ATP8B4: variants seen among roughly 807,000 people sequenced by gnomAD.
The protein encoded by ATP8B4 is probable phospholipid-transporting ATPase IM.
A neutral mutation model predicts 145.6 loss-of-function variants in ATP8B4; 133 were observed. That is an observed-to-expected ratio of 0.91 (90% CI 0.79 to 1.05). The LOEUF (loss-of-function observed/expected upper bound fraction) is 1.05, where lower values mean the gene tolerates loss of function less well. ATP8B4 is among the 50% of genes least tolerant of loss of function. The pLI, the probability that ATP8B4 is intolerant of heterozygous loss-of-function variation, is 0.00. For synonymous variants in ATP8B4, 507 were observed against 492.9 expected (o/e 1.03, Z -0.38); for missense variants, 1,458 against 1,425.2 (o/e 1.02, Z -0.37).
In ATP8B4 at chr15:49,897,415, G is replaced by GAGAA; in HGVS notation, c.2570_2573dup (p.Leu859SerfsTer22). Reference sequence around the variant, plus strand: ...AATAAGACCACCTTCCATGAACAAGGAGAAGCCTTTGGAGATATCTAAACT... The same window carrying GAGAA: ...AATAAGACCACCTTCCATGAACAAGGAGAAAGAAGCCTTTGGAGATATCTAAACT... On this transcript the variant is annotated frameshift_variant, in exon 23 of 28. Coordinates refer to ENST00000284509, the MANE Select transcript of ATP8B4 (RefSeq NM_024837.4). LOFTEE classifies it high-confidence loss of function. 6.2e-7 allele frequency: 1 copy of GAGAA among 1,613,920 alleles called. No individual in the cohort carries two copies. The highest frequency in any genetic ancestry group is 1.7e-4 in the Middle Eastern group (1 of 6,058).
At chr15:50,102,157 G>A (rs2056400010) in intron 2 of ATP8B4, among the ~76,000 whole-genome samples, 1 of 151,794 alleles carries the variant, frequency 6.6e-6, no homozygotes, top group Non-Finnish European at 1.5e-5. Context: ...AGCACAAATA[G>A]ACAATCTAAG....
intron 1 of ATP8B4, among the ~76,000 whole-genome samples, chr15:50,174,592 A>T (rs1234929722): frequency 6.6e-6 from 1 of 151,880 alleles, no homozygotes; most frequent in Non-Finnish European, 1.5e-5. Flanking sequence ...CTAACAAAGG[A>T]GTCAAAAGAC....
At chr15:50,077,801 G>C (rs1324670212) in intron 2 of ATP8B4, among the ~76,000 whole-genome samples, 1 of 152,154 alleles carries the variant, frequency 6.6e-6, no homozygotes, top group Admixed American at 6.5e-5. Flanking sequence ...GGCCTGAGAA[G>C]GAAGAGCTCT....
At chr15:50,139,956 A>T in intron 1 of ATP8B4, among the ~76,000 whole-genome samples, 1 of 152,130 alleles carries the variant, frequency 6.6e-6, no homozygotes, top group East Asian at 1.9e-4. Context: ...AATAAATGGG[A>T]GGTAAGCTAT....
chr15:49,936,966 T>C (rs1199505900), intron 14 of ATP8B4, among the ~76,000 whole-genome samples: 1 of 152,092 alleles, frequency 6.6e-6, no homozygotes, highest in Admixed American at 6.6e-5. Flanking sequence ...TTTTCCTGTG[T>C]TCTCTCCAGA....
chr15:49,971,307 A>G (rs150745132), intron 13 of ATP8B4, among the ~76,000 whole-genome samples: 19,448 of 152,226 alleles, frequency 0.13, 1,644 homozygotes, highest in East Asian at 0.34. Context: ...GCACAGCAAA[A>G]GAAACTATCA....
At chr15:49,875,207 T>A (rs1016100226) in intron 25 of ATP8B4, among the ~76,000 whole-genome samples, 1 of 152,230 alleles carries the variant, frequency 6.6e-6, no homozygotes, top group African/African-American at 2.4e-5. Flanking sequence ...AAACAGATCA[T>A]GTTAACAGGA....
At chr15:50,049,254 C>A (rs1567264981) in intron 3 of ATP8B4, among the ~76,000 whole-genome samples, 1 of 152,228 alleles carries the variant, frequency 6.6e-6, no homozygotes, top group Non-Finnish European at 1.5e-5. Flanking sequence ...TCCCTAGTAA[C>A]AAGCATAGTA....
intron 1 of ATP8B4, among the ~76,000 whole-genome samples, chr15:50,139,954 G>A (rs1595639099): frequency 6.6e-6 from 1 of 152,080 alleles, no homozygotes; most frequent in Admixed American, 6.6e-5. Flanking sequence ...ATAATAAATG[G>A]GAGGTAAGCT....
intron 1 of ATP8B4, among the ~76,000 whole-genome samples, chr15:50,164,234 T>C (rs1259561512): frequency 6.6e-6 from 1 of 152,154 alleles, no homozygotes; most frequent in Non-Finnish European, 1.5e-5. Flanking sequence ...GGGGAATGTG[T>C]TGGGTTACAC....
chr15:50,138,286 T>C (rs2044150595), intron 1 of ATP8B4, among the ~76,000 whole-genome samples: 1 of 151,814 alleles, frequency 6.6e-6, no homozygotes, highest in Admixed American at 6.6e-5. Flanking sequence ...GGACAGAGCA[T>C]TGCAGGTCCA....
At chr15:49,917,307 C>G (rs2039841722) in intron 19 of ATP8B4, 1 of 379,656 alleles carries the variant, frequency 2.6e-6, no homozygotes, top group Non-Finnish European at 4.7e-6. Flanking sequence ...TCAGAAAAAC[C>G]TTTTCATTCC....
chr15:50,085,932 T>TGTACGTATATATGATATATATC (rs2054931244), intron 2 of ATP8B4, among the ~76,000 whole-genome samples: 1 of 45,458 alleles, frequency 2.2e-5, no homozygotes, highest in African/African-American at 7.5e-5. Flanking sequence ...ATATATCATA[T>TGTACGTATATATGATATATATC]ATATTTATAT....
At chr15:49,972,159 A>G (rs896754892) in intron 13 of ATP8B4, among the ~76,000 whole-genome samples, 2 of 152,128 alleles carry the variant, frequency 1.3e-5, no homozygotes, top group African/African-American at 4.8e-5. Flanking sequence ...CATTAGGAGA[A>G]ATACCTAATG....
chr15:50,109,515 C>T (rs2056840264), intron 1 of ATP8B4, among the ~76,000 whole-genome samples: 1 of 152,040 alleles, frequency 6.6e-6, no homozygotes, highest in African/African-American at 2.4e-5. Flanking sequence ...AAAGGCTCAT[C>T]AGCAAGCTCT....
chr15:49,874,500 A>G (rs1420835911), intron 25 of ATP8B4, among the ~76,000 whole-genome samples: 2 of 152,148 alleles, frequency 1.3e-5, no homozygotes, highest in Non-Finnish European at 2.9e-5. Context: ...GAGGAGATGG[A>G]AGGCAGAGAA....
At chr15:50,012,525 T>C (rs1023038488) in intron 6 of ATP8B4, among the ~76,000 whole-genome samples, 1 of 152,130 alleles carries the variant, frequency 6.6e-6, no homozygotes, top group Admixed American at 6.6e-5. Flanking sequence ...CCAAACTACT[T>C]CATCAATAAC....
rs554663957 is a variant in ATP8B4, at chr15:49,869,246, T to A, written c.3028-2762A>T. On this transcript the variant is annotated intron_variant, in intron 25 of 27. Transcript: ENST00000284509. ...ATATTTTAAAACCATAATTAATGCATACAAGTATGAAAAAGTTAAAAAAAA... is the reference window on the plus strand; with the variant it reads ...ATATTTTAAAACCATAATTAATGCAAACAAGTATGAAAAAGTTAAAAAAAA... Among the ~76,000 whole-genome samples, 178 of 150,180 alleles carry A rather than the reference T, an allele frequency of 1.2e-3. 1 individual carries two copies. Among genetic ancestry groups the A allele is most frequent in the African/African-American group, 4.1e-3 (170 of 41,310 alleles).
intron 23 of ATP8B4, among the ~76,000 whole-genome samples, chr15:49,886,627 T>C (rs900500576): frequency 1.9e-4 from 29 of 152,190 alleles, no homozygotes; most frequent in African/African-American, 7.0e-4. Flanking sequence ...CTTGGTACAA[T>C]TACTTTCTTC....
Sources: gnomAD v4.1 joint callset for allele counts (sites outside exome capture counted in the v4.1 genomes callset) on GRCh38, gnomAD v4.1.1 for gene constraint, MANE v1.5 for transcripts, NCBI Gene and HGNC (gene_info 2026-07-23, HGNC 2026-07-21) for gene names.